Variants in CPNE4 observed in about 807,000 individuals in gnomAD.
CPNE4 encodes copine 4.
In CPNE4, 25 loss-of-function variants were observed where a neutral mutation model predicts 67.9. That is an observed-to-expected ratio of 0.37 (90% CI 0.27 to 0.51). The LOEUF (loss-of-function observed/expected upper bound fraction) is 0.51, where lower values mean the gene tolerates loss of function less well. Ranked by LOEUF, CPNE4 falls within the 20% of genes least tolerant of loss-of-function variation. The pLI is 0.93. For synonymous variants in CPNE4, 242 were observed against 244.9 expected, an observed-to-expected ratio of 0.99 and a Z score of 0.11; for missense variants, 464 against 690.8, an observed-to-expected ratio of 0.67 and a Z score of 3.68.
At chr3:131,836,664 G>A (rs1419287456) in intron 2 of CPNE4, among the ~76,000 whole-genome samples, 2 of 152,152 alleles carry the variant, frequency 1.3e-5, no homozygotes, top group African/African-American at 4.8e-5. Context: ...CCAAGGATTA[G>A]GCAAAGAGTT....
chr3:131,913,888 A>G (rs555300345), intron 1 of CPNE4, among the ~76,000 whole-genome samples: 3 of 152,348 alleles, frequency 2.0e-5, no homozygotes, highest in African/African-American at 7.2e-5. Flanking sequence ...TTGTGTTCAG[A>G]ATTAAGTGAA....
chr3:131,633,773 A>ATTTT (rs2079300565), intron 7 of CPNE4, among the ~76,000 whole-genome samples: 5 of 151,050 alleles, frequency 3.3e-5, no homozygotes, highest in African/African-American at 1.2e-4. Flanking sequence ...TTTATTTTTA[A>ATTTT]AAAAAAGAAC....
chr3:131,861,402 T>TTGTGTGTGTGTGTGTG (rs5852659), intron 2 of CPNE4, among the ~76,000 whole-genome samples: 1 of 144,462 alleles, frequency 6.9e-6, no homozygotes, highest in African/African-American at 2.6e-5. Flanking sequence ...TATCTCATCT[T>TTGTGTGTGTGTGTGTG]TGTGTGTGTG....
At chr3:131,927,244 A>C (rs1397746006) in intron 1 of CPNE4, among the ~76,000 whole-genome samples, 1 of 152,152 alleles carries the variant, frequency 6.6e-6, no homozygotes, top group Non-Finnish European at 1.5e-5. Context: ...AGAGTCATGC[A>C]TCTGTCTGTC....
chr3:131,714,206 T>C (rs1369305667), intron 3 of CPNE4, among the ~76,000 whole-genome samples: 1 of 152,118 alleles, frequency 6.6e-6, no homozygotes, highest in African/African-American at 2.4e-5. Flanking sequence ...AGCATCATCA[T>C]AACACCCAGT....
intron 2 of CPNE4, among the ~76,000 whole-genome samples, chr3:131,876,305 G>A (rs1387953032): frequency 1.3e-5 from 2 of 150,926 alleles, no homozygotes; most frequent in Non-Finnish European, 2.9e-5. Flanking sequence ...CAAATGAAAG[G>A]CATGCTCTTT....
chr3:131,981,863 T>C (rs1175298999), intron 1 of CPNE4, among the ~76,000 whole-genome samples: 1 of 152,202 alleles, frequency 6.6e-6, no homozygotes. Flanking sequence ...GCTTCTCCAG[T>C]AGGAGTGTGT....
intron 6 of CPNE4, among the ~76,000 whole-genome samples, chr3:131,672,450 G>A (rs1378922005): frequency 1.3e-5 from 2 of 152,072 alleles, no homozygotes; most frequent in African/African-American, 4.8e-5. Context: ...TCCACCAACA[G>A]TATATGACAG....
intron 2 of CPNE4, among the ~76,000 whole-genome samples, chr3:131,748,385 G>A (rs1194073335): frequency 2.6e-5 from 4 of 151,724 alleles, no homozygotes; most frequent in Non-Finnish European, 5.9e-5. Flanking sequence ...CATCTATATC[G>A]TGAGGAATAC....
intron 1 of CPNE4, among the ~76,000 whole-genome samples, chr3:131,907,773 G>A (rs745495123): frequency 5.3e-5 from 8 of 152,124 alleles, no homozygotes; most frequent in Non-Finnish European, 1.2e-4. Context: ...GCCCTCTTCA[G>A]AAAATGTTTA....
intron 2 of CPNE4, among the ~76,000 whole-genome samples, chr3:131,788,369 A>T (rs1362303986): frequency 2.6e-5 from 4 of 152,156 alleles, no homozygotes; most frequent in African/African-American, 9.6e-5. Context: ...GTACAATTTC[A>T]AAAAGAAAAA....
intron 7 of CPNE4, among the ~76,000 whole-genome samples, chr3:131,669,186 ACCC>A (rs2080338876): frequency 6.6e-6 from 1 of 151,798 alleles, no homozygotes; most frequent in Non-Finnish European, 1.5e-5. Context: ...AAGCAGAACC[ACCC>A]TCCTCTTGGG....
intron 1 of CPNE4, among the ~76,000 whole-genome samples, chr3:132,002,515 T>C (rs368791198): frequency 1.3e-5 from 2 of 152,262 alleles, no homozygotes; most frequent in Admixed American, 6.5e-5. Context: ...ACTAAAAGAA[T>C]GTGAAGAATG....
intron 1 of CPNE4, among the ~76,000 whole-genome samples, chr3:132,025,340 C>T (rs540104185): frequency 3.3e-5 from 5 of 152,202 alleles, no homozygotes; most frequent in African/African-American, 4.8e-5. Flanking sequence ...CAGTACTAAA[C>T]GTACCTTTCA....
intron 2 of CPNE4, among the ~76,000 whole-genome samples, chr3:131,865,463 G>C (rs181842452): frequency 1.3e-5 from 2 of 152,016 alleles, no homozygotes; most frequent in South Asian, 2.1e-4. Flanking sequence ...CCCAAATCTC[G>C]CATTCTTTAT....
At chr3:131,718,003 C>CTA in intron 3 of CPNE4, among the ~76,000 whole-genome samples, 2 of 149,684 alleles carry the variant, frequency 1.3e-5, no homozygotes, top group East Asian at 3.9e-4. Flanking sequence ...CTGTCTCTCT[C>CTA]TCTTTCTTTC....
chr3:131,605,213 C>A (rs1939428432), intron 7 of CPNE4, among the ~76,000 whole-genome samples: 1 of 152,140 alleles, frequency 6.6e-6, no homozygotes, highest in Non-Finnish European at 1.5e-5. Flanking sequence ...TTTTATGTAA[C>A]TTTCTGTGCA....
chr3:131,607,282 G>C (rs1383438733), intron 7 of CPNE4, among the ~76,000 whole-genome samples: 1 of 151,090 alleles, frequency 6.6e-6, no homozygotes, highest in Non-Finnish European at 1.5e-5. Flanking sequence ...GTGTTAAGCA[G>C]GGCCACTGAC....
intron 7 of CPNE4, among the ~76,000 whole-genome samples, chr3:131,666,036 A>C (rs1210963256): frequency 6.6e-6 from 1 of 152,186 alleles, no homozygotes; most frequent in Non-Finnish European, 1.5e-5. Flanking sequence ...CTCAATGAAA[A>C]AAACAGGTAA....
Sources: allele counts gnomAD v4.1 joint callset (sites outside exome capture counted in the v4.1 genomes callset), GRCh38; gene constraint gnomAD v4.1.1; transcripts MANE v1.5; gene names NCBI Gene and HGNC (gene_info 2026-07-23, HGNC 2026-07-21).